The following KHDRBS2 variants were observed in gnomAD, a reference collection of about 807,000 sequenced individuals.
KHDRBS2 encodes the protein KH RNA binding domain containing, signal transduction associated 2.
KHDRBS2 carries 26 observed loss-of-function variants against 44.3 expected under a neutral mutation model. The ratio of observed to expected loss-of-function variants is 0.59; its 90% CI spans 0.43 to 0.81. The LOEUF is 0.81. KHDRBS2 is among the 40% of genes least tolerant of loss of function. The pLI, the probability that KHDRBS2 is intolerant of heterozygous loss-of-function variation, is 0.00. For missense variants in KHDRBS2, 476 were observed against 433.1 expected, an observed-to-expected ratio of 1.10 and a Z score of -0.88; for synonymous variants, 194 against 151.1, an observed-to-expected ratio of 1.28 and a Z score of -2.08.
chr6:61,635,809 C>A, the KHDRBS2 span, among the ~76,000 whole-genome samples: 1 of 151,970 alleles, frequency 6.6e-6, no homozygotes, highest in Non-Finnish European at 1.5e-5. Flanking sequence ...GTTTCTAGGT[C>A]ACTGGAGATT....
chr6:61,860,463 C>T (rs1194685605), intron 6 of KHDRBS2, among the ~76,000 whole-genome samples: 5 of 151,974 alleles, frequency 3.3e-5, no homozygotes, highest in African/African-American at 1.2e-4. Flanking sequence ...TAAGTGAGAA[C>T]GTGTGGTATT....
At chr6:62,221,464 G>A (rs1247165434) in intron 1 of KHDRBS2, among the ~76,000 whole-genome samples, 3 of 151,892 alleles carry the variant, frequency 2.0e-5, no homozygotes, top group Non-Finnish European at 2.9e-5. Flanking sequence ...CTCTTGCCAC[G>A]AAGGAGAAAA....
chr6:62,122,307 C>T (rs1397272842), intron 2 of KHDRBS2, among the ~76,000 whole-genome samples: 2 of 152,086 alleles, frequency 1.3e-5, no homozygotes, highest in African/African-American at 2.4e-5. Flanking sequence ...ATCCTCCTTT[C>T]GACATGCACC....
chr6:62,268,983 A>G (rs1295050983), intron 1 of KHDRBS2, among the ~76,000 whole-genome samples: 1 of 152,102 alleles, frequency 6.6e-6, no homozygotes, highest in Non-Finnish European at 1.5e-5. Context: ...GTATTTTTGA[A>G]CAATTTAAAC....
At chr6:61,699,254 T>TA (rs1184350945) in intron 7 of KHDRBS2, among the ~76,000 whole-genome samples, 4 of 152,046 alleles carry the variant, frequency 2.6e-5, no homozygotes, top group African/African-American at 4.8e-5. Context: ...CGTCACAATT[T>TA]AAAAAAATAA....
chr6:61,954,153 T>G (rs1291880144), intron 4 of KHDRBS2, among the ~76,000 whole-genome samples: 1 of 152,042 alleles, frequency 6.6e-6, no homozygotes, highest in East Asian at 1.9e-4. Context: ...CAGTAGTATG[T>G]CATTGTTTCC....
chr6:62,065,037 C>T (rs1320887644), intron 2 of KHDRBS2, among the ~76,000 whole-genome samples: 7 of 152,142 alleles, frequency 4.6e-5, no homozygotes, highest in South Asian at 2.1e-4. Context: ...AAAAAATGCT[C>T]GTCATCACTA....
In KHDRBS2 at chr6:61,980,610, G is replaced by C. The variant is rs141481776; in HGVS notation, c.337-2398C>G. 1.6e-3 allele frequency among the ~76,000 whole-genome samples: 250 copies of C among 152,256 alleles called. 1 individual carries two copies. The highest frequency in any genetic ancestry group is 5.3e-3 in the African/African-American group (222 of 41,558). ...AAATTGATGCCCATTTATCAAACAAGATGGGCCTAAGGCTAAGGAAACAAA... is the reference window on the plus strand; with the variant it reads ...AAATTGATGCCCATTTATCAAACAACATGGGCCTAAGGCTAAGGAAACAAA... On this transcript the variant is annotated intron_variant, in intron 3 of 8. Transcript: ENST00000281156.
At position 62,064,069 on chromosome 6, in the gene KHDRBS2, A is replaced by G. The variant is rs1222418321; in HGVS notation, c.220-16075T>C. On this transcript the variant is annotated intron_variant, in intron 2 of 8. Coordinates refer to ENST00000281156, the MANE Select transcript of KHDRBS2 (RefSeq NM_152688.4). ...AATAAAATACCTAGGAATCCAACTT[A>G]CAAGGGACGTGAAGGACCTCTTCAA... is the stretch of plus-strand genomic sequence containing the variant. 2.7e-3 allele frequency among the ~76,000 whole-genome samples: 359 copies of G among 130,698 alleles called. 2 individuals are homozygous for G. The highest frequency in any genetic ancestry group is 9.5e-3 in the African/African-American group (351 of 36,758). 85.7% of individuals were successfully genotyped at this position (130,698 alleles called of 152,430 possible).
chr6:61,949,536 T>G (rs1158916397), intron 4 of KHDRBS2, among the ~76,000 whole-genome samples: 7 of 152,152 alleles, frequency 4.6e-5, no homozygotes, highest in African/African-American at 1.7e-4. Context: ...ACAGGAACAA[T>G]ATACTATTTT....
intron 2 of KHDRBS2, among the ~76,000 whole-genome samples, chr6:62,174,929 C>T (rs928904081): frequency 7.3e-5 from 11 of 151,650 alleles, no homozygotes; most frequent in African/African-American, 2.7e-4. Context: ...CATAAATGTA[C>T]ATCAAATACA....
intron 6 of KHDRBS2, among the ~76,000 whole-genome samples, chr6:61,739,004 C>T (rs142955562): frequency 6.6e-6 from 1 of 151,708 alleles, no homozygotes; most frequent in African/African-American, 2.4e-5. Context: ...TTAATAATTG[C>T]CTCTCCAAAA....
At chr6:62,211,202 A>T (rs1174649548) in intron 1 of KHDRBS2, among the ~76,000 whole-genome samples, 1 of 152,164 alleles carries the variant, frequency 6.6e-6, no homozygotes, top group Non-Finnish European at 1.5e-5. Flanking sequence ...ATCACCTGGG[A>T]TCATTAAATT....
intron 1 of KHDRBS2, among the ~76,000 whole-genome samples, chr6:62,180,990 C>A (rs1301759930): frequency 6.8e-6 from 1 of 146,202 alleles, no homozygotes; most frequent in Non-Finnish European, 1.5e-5. Context: ...TGTCCACATG[C>A]ACAACAATAA....
chr6:61,670,834 C>A, the KHDRBS2 span, among the ~76,000 whole-genome samples: 7 of 151,468 alleles, frequency 4.6e-5, no homozygotes, highest in Admixed American at 4.0e-4. Context: ...AAATATATTT[C>A]TCTTTCCTTT....
chr6:62,053,564 A>G (rs1426662490), intron 2 of KHDRBS2, among the ~76,000 whole-genome samples: 1 of 152,002 alleles, frequency 6.6e-6, no homozygotes, highest in African/African-American at 2.4e-5. Flanking sequence ...ATGATTTGAT[A>G]GAATTTAAAC....
chr6:61,635,270 G>A, the KHDRBS2 span, among the ~76,000 whole-genome samples: 1 of 151,958 alleles, frequency 6.6e-6, no homozygotes, highest in Non-Finnish European at 1.5e-5. Context: ...TTCAGAAAAT[G>A]CCCTTTTCTC....
chr6:61,853,395 G>T (rs1163081031), intron 6 of KHDRBS2, among the ~76,000 whole-genome samples: 2 of 152,030 alleles, frequency 1.3e-5, no homozygotes, highest in African/African-American at 2.4e-5. Context: ...GTAGAAAAAT[G>T]ATTATAATAA....
intron 1 of KHDRBS2, among the ~76,000 whole-genome samples, chr6:62,190,959 G>A (rs533218272): frequency 9.2e-5 from 14 of 152,160 alleles, no homozygotes; most frequent in African/African-American, 3.1e-4. Context: ...CACCTGAATA[G>A]GCAGGACCCC....
Sources: allele counts gnomAD v4.1 joint callset (sites outside exome capture counted in the v4.1 genomes callset), GRCh38; gene constraint gnomAD v4.1.1; transcripts MANE v1.5; gene names NCBI Gene and HGNC (gene_info 2026-07-23, HGNC 2026-07-21).